Variants in SAXO4 observed in about 807,000 individuals in gnomAD.
The protein encoded by SAXO4 is stabilizer of axonemal microtubules 4.
chr11:61,485,821 C>T, the SAXO4 span: 5 of 1,613,742 alleles, frequency 3.1e-6, no homozygotes, highest in South Asian at 1.1e-5. Flanking sequence ...AGAAATCGAT[C>T]GGCGCAAAGG....
the SAXO4 span, chr11:61,486,656 G>T: frequency 8.5e-5 from 133 of 1,569,052 alleles, no homozygotes; most frequent in East Asian, 2.8e-3. Context: ...AAGACAGGGA[G>T]GTTTCTGGGA....
the SAXO4 span, chr11:61,482,395 C>G: frequency 1.2e-6 from 2 of 1,614,162 alleles, no homozygotes; most frequent in Non-Finnish European, 1.7e-6. Context: ...TCATGCCAAG[C>G]CAGTCTGGAG....
the SAXO4 span, among the ~76,000 whole-genome samples, chr11:61,483,532 A>ACACT: frequency 1.3e-5 from 2 of 152,136 alleles, no homozygotes; most frequent in Non-Finnish European, 2.9e-5. Flanking sequence ...ACCAAAATGG[A>ACACT]CACTCATTCA....
chr11:61,490,386 G>GCCCTGGCTGAA, the SAXO4 span: 8 of 915,528 alleles, frequency 8.7e-6, no homozygotes, highest in South Asian at 4.1e-5. Context: ...TGGCTTGGCT[G>GCCCTGGCTGAA]CCCTGGCTGA....
chr11:61,482,879 G>A, the SAXO4 span: 2 of 1,455,602 alleles, frequency 1.4e-6, no homozygotes, highest in Non-Finnish European at 1.8e-6. Context: ...ACTGCCAACA[G>A]TTGGTCAAGG....
At chr11:61,485,425 C>A in the SAXO4 span, 1 of 1,603,526 alleles carries the variant, frequency 6.2e-7, no homozygotes, top group Non-Finnish European at 8.5e-7. Context: ...GAACTCACAG[C>A]TCCCTTCCCA....
chr11:61,486,462 T>C, the SAXO4 span: 1 of 1,612,902 alleles, frequency 6.2e-7, no homozygotes, highest in East Asian at 2.2e-5. Context: ...AGAACATGGC[T>C]CTGGAAGGTG....
At chr11:61,487,060 A>C in the SAXO4 span, 1 of 1,613,792 alleles carries the variant, frequency 6.2e-7, no homozygotes. Flanking sequence ...GTGGGGAAAA[A>C]GGTGAGACTT....
the SAXO4 span, chr11:61,482,431 A>G: frequency 3.1e-6 from 5 of 1,612,322 alleles, no homozygotes; most frequent in Non-Finnish European, 4.2e-6. Context: ...GCCAGGGGGT[A>G]CGGTCTGTAT....
chr11:61,482,466 C>A, the SAXO4 span: 1 of 1,587,080 alleles, frequency 6.3e-7, no homozygotes, highest in Non-Finnish European at 8.6e-7. Context: ...CCCTGCCCTG[C>A]TCATCAGACC....
the SAXO4 span, chr11:61,486,279 G>T: frequency 1.9e-6 from 3 of 1,567,638 alleles, no homozygotes; most frequent in Non-Finnish European, 2.6e-6. Flanking sequence ...GGCAGAGTGG[G>T]TGGGAGCCAC....
chr11:61,484,816 T>A, the SAXO4 span: 1 of 1,582,280 alleles, frequency 6.3e-7, no homozygotes, highest in South Asian at 1.1e-5. Flanking sequence ...ACTTCCGACA[T>A]GTGAGTGGCA....
chr11:61,481,893 C>T, the SAXO4 span: 14 of 1,577,616 alleles, frequency 8.9e-6, no homozygotes, highest in South Asian at 3.6e-5. Context: ...TGAAATTCTA[C>T]GCCACCAGCT....
At chr11:61,486,294 G>A in the SAXO4 span, 1 of 1,602,968 alleles carries the variant, frequency 6.2e-7, no homozygotes, top group Non-Finnish European at 8.5e-7. Flanking sequence ...AGCCACCAGG[G>A]GCCCAGGCTG....
the SAXO4 span, chr11:61,481,935 G>A: frequency 5.3e-6 from 8 of 1,520,464 alleles, no homozygotes; most frequent in East Asian, 2.3e-5. Flanking sequence ...GTGCCTTTGC[G>A]CAGGAGCCTC....
At chr11:61,481,859 G>T in the SAXO4 span, 1 of 1,559,976 alleles carries the variant, frequency 6.4e-7, no homozygotes, top group Non-Finnish European at 8.6e-7. Context: ...GTGAAGATGA[G>T]TTCGGGGGGC....
At chr11:61,483,457 C>T in the SAXO4 span, among the ~76,000 whole-genome samples, 11 of 152,018 alleles carry the variant, frequency 7.2e-5, no homozygotes, top group East Asian at 1.2e-3. Context: ...TGAGCCACTG[C>T]GCCCAGCCCC....
the SAXO4 span, chr11:61,485,261 C>T: frequency 3.0e-5 from 39 of 1,305,950 alleles, no homozygotes; most frequent in Admixed American, 3.5e-4. Context: ...AGAACCGAGG[C>T]GCCACTCCAC....
the SAXO4 span, chr11:61,482,333 T>G: frequency 6.2e-7 from 1 of 1,614,156 alleles, no homozygotes; most frequent in Non-Finnish European, 8.5e-7. Context: ...TCAAGCCCCG[T>G]GTGGGCAGTC....
Sources: allele counts gnomAD v4.1 joint callset (sites outside exome capture counted in the v4.1 genomes callset), GRCh38; gene constraint gnomAD v4.1.1; transcripts MANE v1.5; gene names NCBI Gene and HGNC (gene_info 2026-07-23, HGNC 2026-07-21).